TMEM132D: variants seen among roughly 807,000 people sequenced by gnomAD.
The protein encoded by TMEM132D is mature OL transmembrane protein.
In TMEM132D, 21 loss-of-function variants were observed where a neutral mutation model predicts 62.3. That is an observed-to-expected ratio of 0.34 (90% confidence interval 0.24 to 0.49). The LOEUF is 0.49. Among genes scored for constraint, TMEM132D ranks in the 20% least tolerant of loss-of-function variants. The probability of loss-of-function intolerance (pLI) is 0.99; values close to 1 mark genes in which losing one functional copy is unlikely to be tolerated. For missense variants in TMEM132D, 1,346 were observed against 1,402.8 expected (o/e 0.96, Z 0.65); for synonymous variants, 621 against 575.6 (o/e 1.08, Z -1.13).
chr12:129,412,584 C>T lies in TMEM132D; in HGVS notation c.1116-74767G>A, dbSNP rs540762496. Among the ~76,000 whole-genome samples, 14 of 152,122 alleles carry T rather than the reference C, an allele frequency of 9.2e-5. No homozygotes were observed. The South Asian group carries it at 2.1e-3, about 23-fold the overall frequency. On this transcript the variant is annotated intron_variant, in intron 3 of 8. Transcript: ENST00000422113. The stretch of plus-strand genomic sequence containing the variant: ...TCTTAAAACCATGAGGGGCCGGGTG[C>T]GGTGGCTCACACCTGTAATCTCAGC...
intron 3 of TMEM132D, among the ~76,000 whole-genome samples, chr12:129,436,626 T>C (rs1872793994): frequency 6.6e-6 from 1 of 152,204 alleles, no homozygotes; most frequent in Non-Finnish European, 1.5e-5. Flanking sequence ...AATACTCTTT[T>C]GCAGATGAAG....
At chr12:129,868,231 T>A (rs1467117133) in intron 1 of TMEM132D, among the ~76,000 whole-genome samples, 1 of 151,992 alleles carries the variant, frequency 6.6e-6, no homozygotes, top group Admixed American at 6.6e-5. Flanking sequence ...CTATGGTACA[T>A]GAGGCAGCGT....
chr12:129,654,834 C>T (rs1181532895), intron 2 of TMEM132D, among the ~76,000 whole-genome samples: 1 of 152,198 alleles, frequency 6.6e-6, no homozygotes, highest in Non-Finnish European at 1.5e-5. Context: ...AAAGGAAAGG[C>T]AGCCCCTTCA....
At chr12:129,411,169 C>T (rs1871957979) in intron 3 of TMEM132D, among the ~76,000 whole-genome samples, 1 of 152,094 alleles carries the variant, frequency 6.6e-6, no homozygotes, top group Admixed American at 6.5e-5. Context: ...ATAATTATGT[C>T]ACCTGTAAGA....
intron 2 of TMEM132D, among the ~76,000 whole-genome samples, chr12:129,647,086 C>A (rs1593103762): frequency 6.7e-6 from 1 of 149,370 alleles, no homozygotes; most frequent in East Asian, 2.0e-4. Flanking sequence ...AGGGGTGAGC[C>A]ACTGCGCCCA....
intron 1 of TMEM132D, among the ~76,000 whole-genome samples, chr12:129,766,844 A>G (rs1593153787): frequency 1.3e-5 from 2 of 152,224 alleles, no homozygotes; most frequent in African/African-American, 2.4e-5. Flanking sequence ...AAAGAGGTGC[A>G]GGAAGCCCAG....
At chr12:129,203,334 T>C (rs1878759540) in intron 5 of TMEM132D, among the ~76,000 whole-genome samples, 1 of 152,240 alleles carries the variant, frequency 6.6e-6, no homozygotes, top group Non-Finnish European at 1.5e-5. Flanking sequence ...TGAATCATTA[T>C]TTGCTCAATT....
At chr12:129,879,406 C>T (rs559149701) in intron 1 of TMEM132D, among the ~76,000 whole-genome samples, 57 of 152,322 alleles carry the variant, frequency 3.7e-4, no homozygotes, top group Non-Finnish European at 6.9e-4. Flanking sequence ...CCTAACACAA[C>T]ATCAAAGTGG....
At chr12:129,423,101 A>C (rs1216406031) in intron 3 of TMEM132D, among the ~76,000 whole-genome samples, 2 of 151,936 alleles carry the variant, frequency 1.3e-5, no homozygotes, top group South Asian at 2.1e-4. Flanking sequence ...AGATATTTCT[A>C]TATATTTACC....
intron 1 of TMEM132D, among the ~76,000 whole-genome samples, chr12:129,785,536 T>C (rs560074937): frequency 7.2e-5 from 11 of 152,314 alleles, no homozygotes; most frequent in African/African-American, 2.2e-4. Context: ...AATTTGTCAA[T>C]GAACATTGTA....
At chr12:129,725,344 C>CA (rs1377683905) in intron 1 of TMEM132D, among the ~76,000 whole-genome samples, 2 of 152,080 alleles carry the variant, frequency 1.3e-5, no homozygotes, top group Non-Finnish European at 2.9e-5. Context: ...TATCTGGAAA[C>CA]AAAAAATAAA....
At chr12:129,098,842 G>T (rs1490746123) in intron 5 of TMEM132D, among the ~76,000 whole-genome samples, 2 of 152,140 alleles carry the variant, frequency 1.3e-5, no homozygotes, top group African/African-American at 4.8e-5. Context: ...ATGCTGAACT[G>T]AATAAGCAGC....
chr12:129,284,897 T>C (rs1239415011), intron 4 of TMEM132D, among the ~76,000 whole-genome samples: 1 of 152,028 alleles, frequency 6.6e-6, no homozygotes, highest in Non-Finnish European at 1.5e-5. Flanking sequence ...GGCAGATTGG[T>C]GGTGCCAGGG....
At chr12:129,874,626 C>T (rs1170282092) in intron 1 of TMEM132D, among the ~76,000 whole-genome samples, 1 of 146,174 alleles carries the variant, frequency 6.8e-6, no homozygotes, top group African/African-American at 2.5e-5. Flanking sequence ...CAAAAAGCTA[C>T]AGTCCCTGGA....
chr12:129,134,833 C>T (rs1876508449), intron 5 of TMEM132D, among the ~76,000 whole-genome samples: 1 of 152,146 alleles, frequency 6.6e-6, no homozygotes, highest in Non-Finnish European at 1.5e-5. Flanking sequence ...TAGATCTCAT[C>T]CCAGGTGATA....
intron 1 of TMEM132D, among the ~76,000 whole-genome samples, chr12:129,799,374 GTA>G (rs1329991468): frequency 5.5e-4 from 3 of 5,432 alleles, no homozygotes; most frequent in African/African-American, 1.6e-3. Flanking sequence ...GTATATATGT[GTA>G]TATATATGTG....
chr12:129,761,705 T>C (rs1361118927), intron 1 of TMEM132D, among the ~76,000 whole-genome samples: 1 of 152,126 alleles, frequency 6.6e-6, no homozygotes, highest in Non-Finnish European at 1.5e-5. Flanking sequence ...TCACAGGGGA[T>C]TTGGGCTACG....
intron 4 of TMEM132D, among the ~76,000 whole-genome samples, chr12:129,257,679 G>A (rs999238219): frequency 5.9e-5 from 9 of 152,164 alleles, no homozygotes; most frequent in African/African-American, 1.7e-4. Context: ...GGATCTGGGG[G>A]TGGATATGCT....
intron 3 of TMEM132D, among the ~76,000 whole-genome samples, chr12:129,483,074 A>G (rs1566084293): frequency 6.6e-6 from 1 of 152,156 alleles, no homozygotes; most frequent in African/African-American, 2.4e-5. Flanking sequence ...TGAGAGCTTA[A>G]CAAAAAGAAA....
Sources: gnomAD v4.1 joint callset for allele counts (sites outside exome capture counted in the v4.1 genomes callset) on GRCh38, gnomAD v4.1.1 for gene constraint, MANE v1.5 for transcripts, NCBI Gene and HGNC (gene_info 2026-07-23, HGNC 2026-07-21) for gene names.